AEBP2: variants seen among roughly 807,000 people sequenced by gnomAD.
AEBP2 encodes AE binding protein 2.
AEBP2 carries 10 observed loss-of-function variants against 50.8 expected under a neutral mutation model. That is an observed-to-expected ratio of 0.20 (90% CI 0.12 to 0.33). AEBP2 has a LOEUF of 0.33. AEBP2 is among the 10% of genes least tolerant of loss of function. The pLI is 1.00. For synonymous variants in AEBP2, 296 were observed against 261.3 expected, an observed-to-expected ratio of 1.13 and a Z score of -1.28; for missense variants, 570 against 688.0, an observed-to-expected ratio of 0.83 and a Z score of 1.92.
In AEBP2 at chr12:19,521,055, G is replaced by A. The variant is rs1055642914; in HGVS notation, c.*2938G>A. Reference sequence around the variant, plus strand: ...TTCTGAGTCTCATTATGTATATGCAGATACTCAAAAATCTGAAAAAAATCA... The same window carrying A: ...TTCTGAGTCTCATTATGTATATGCAAATACTCAAAAATCTGAAAAAAATCA... On this transcript the variant is annotated 3_prime_UTR_variant, in exon 8 of 8. Coordinates refer to ENST00000266508, the MANE Select transcript of AEBP2 (RefSeq NM_153207.5). 3 of 152,058 alleles carry A rather than the reference G, an allele frequency of 2.0e-5. No homozygotes were observed. Among genetic ancestry groups the A allele is most frequent in the Non-Finnish European group, 4.4e-5 (3 of 68,022 alleles). The allele number at this position is 152,058 out of a possible 1,614,324, so 9.4% of individuals were successfully genotyped here. A position where few individuals can be genotyped will look rare whatever the true frequency, so the allele number is the denominator to read the frequency against.
At chr12:19,433,771 C>G (rs2095752681) in intron 1 of AEBP2, among the ~76,000 whole-genome samples, 1 of 151,392 alleles carries the variant, frequency 6.6e-6, no homozygotes, top group Non-Finnish European at 1.5e-5. Flanking sequence ...CCACTTTGCT[C>G]TAGCCTGGGT....
At chr12:19,493,637 C>G (rs1249887276) in intron 3 of AEBP2, among the ~76,000 whole-genome samples, 163 bp from the exon 4 acceptor site, 2 of 152,176 alleles carry the variant, frequency 1.3e-5, no homozygotes, top group African/African-American at 2.4e-5. Context: ...TGGCAACTTA[C>G]TTCGTAAAGT....
chr12:19,456,943 G>T (rs1948280042), intron 1 of AEBP2: 1 of 1,485,410 alleles, frequency 6.7e-7, no homozygotes, highest in East Asian at 2.3e-5. Context: ...GTAGTCCAGA[G>T]CCTCAAGCAG....
intron 3 of AEBP2, among the ~76,000 whole-genome samples, chr12:19,478,002 T>C (rs1376477952): frequency 6.6e-6 from 1 of 152,234 alleles, no homozygotes; most frequent in Non-Finnish European, 1.5e-5. Context: ...TTGAATGATC[T>C]TTTGTATTTC....
At chr12:19,517,489 G>A (rs920893320) in intron 7 of AEBP2, among the ~76,000 whole-genome samples, 32 of 152,106 alleles carry the variant, frequency 2.1e-4, no homozygotes, top group Non-Finnish European at 3.2e-4. Context: ...GATTTACATA[G>A]CATTTATATT....
intron 1 of AEBP2, among the ~76,000 whole-genome samples, chr12:19,410,150 A>G (rs2095738507): frequency 2.0e-5 from 3 of 152,190 alleles, no homozygotes; most frequent in Non-Finnish European, 4.4e-5. Context: ...CCTAATCTTC[A>G]CTGCTCAACC....
intron 2 of AEBP2, among the ~76,000 whole-genome samples, chr12:19,470,804 T>C (rs372663341): frequency 8.5e-5 from 13 of 152,284 alleles, no homozygotes; most frequent in African/African-American, 2.9e-4. Context: ...CTAAATCTTA[T>C]CTTTAAGAGT....
chr12:19,480,409 A>G (rs1948709224), intron 3 of AEBP2, among the ~76,000 whole-genome samples: 1 of 152,096 alleles, frequency 6.6e-6, no homozygotes, highest in Non-Finnish European at 1.5e-5. Flanking sequence ...CCTGCCAAGG[A>G]GGTTCTATTT....
chr12:19,413,102 G>T, intron 1 of AEBP2: 3 of 644,992 alleles, frequency 4.7e-6, no homozygotes, highest in South Asian at 3.2e-5. Flanking sequence ...CAGCCGGGCC[G>T]AATTCAGTTT....
intron 1 of AEBP2, chr12:19,456,201 C>T: frequency 7.5e-7 from 1 of 1,334,980 alleles, no homozygotes; most frequent in Non-Finnish European, 1.0e-6. Flanking sequence ...GACCATTCTT[C>T]CACCACTGAT....
intron 5 of AEBP2, among the ~76,000 whole-genome samples, chr12:19,502,722 C>T (rs1425174070): frequency 6.6e-6 from 1 of 151,514 alleles, no homozygotes; most frequent in Non-Finnish European, 1.5e-5. Flanking sequence ...GATCTCGGCT[C>T]ACTGCAACCT....
chr12:19,404,300 A>T (rs556533243), intron 1 of AEBP2: 22 of 152,386 alleles, frequency 1.4e-4, no homozygotes, highest in African/African-American at 4.8e-4. Context: ...TCTTTCTCAC[A>T]CATTCCCCAT....
At chr12:19,411,626 TTA>T (rs2095739266) in intron 1 of AEBP2, among the ~76,000 whole-genome samples, 1 of 152,222 alleles carries the variant, frequency 6.6e-6, no homozygotes. Flanking sequence ...AAGTAAAGAC[TTA>T]TAATACATAC....
At chr12:19,493,689 T>C in intron 3 of AEBP2, 111 bp from the exon 4 acceptor site, 2 of 1,022,752 alleles carry the variant, frequency 2.0e-6, no homozygotes, top group East Asian at 5.2e-5. Context: ...CTGGAATTAG[T>C]TCTATTGTAC....
At chr12:19,464,329 C>T (rs1446426447) in intron 2 of AEBP2, among the ~76,000 whole-genome samples, 1 of 151,998 alleles carries the variant, frequency 6.6e-6, no homozygotes, top group Non-Finnish European at 1.5e-5. Context: ...TTGGTATATA[C>T]CATTTTTGAG....
Position 19,439,623 on chromosome 12 carries a change from A to AG in AEBP2, c.-71dup, listed in dbSNP as rs1780359841. The stretch of plus-strand genomic sequence containing the variant: ...GTCGGCGGAGTTTTGGGCGTTTGGG[A>AG]GGGGGGCGAGGGAGAGAGAGTCGAG... On this transcript the variant is annotated 5_prime_UTR_variant, in exon 1 of 8. Coordinates refer to ENST00000266508, the MANE Select transcript of AEBP2 (RefSeq NM_153207.5). The AG allele has an allele frequency of 6.1e-6, 9 of 1,465,982 alleles. No individual in the cohort carries two copies. The highest frequency in any genetic ancestry group is 8.1e-6 in the Non-Finnish European group (9 of 1,111,210). 90.8% of individuals were successfully genotyped at this position (1,465,982 alleles called of 1,614,324 possible).
chr12:19,440,640 G>T lies in AEBP2; in HGVS notation c.671+270G>T, dbSNP rs1387956888. 11 of 1,522,686 alleles carry T rather than the reference G, an allele frequency of 7.2e-6. No individual in the cohort carries two copies. The Admixed American group carries it at 2.2e-4, about 30-fold the overall frequency. The allele number at this position is 1,522,686 out of a possible 1,614,324, so 94.3% of individuals were successfully genotyped here. ...CTTCGCTCCTCACGGACCTCAGGAC[G>T]GCTCTAACTCGGAAACAGTCCCCAA... On this transcript the variant is annotated intron_variant, in intron 1 of 7. Transcript: ENST00000266508.
At chr12:19,481,678 C>T (rs991224691) in intron 3 of AEBP2, among the ~76,000 whole-genome samples, 2 of 151,916 alleles carry the variant, frequency 1.3e-5, no homozygotes, top group African/African-American at 2.4e-5. Context: ...GGGGTTTCAC[C>T]GTGGTGGCAA....
At chr12:19,457,440 C>G in intron 1 of AEBP2, 3 of 1,524,278 alleles carry the variant, frequency 2.0e-6, no homozygotes, top group South Asian at 1.2e-5. Context: ...AATGGTGATA[C>G]CACGTTCACG....
Sources: gnomAD v4.1 joint callset for allele counts (sites outside exome capture counted in the v4.1 genomes callset) on GRCh38, gnomAD v4.1.1 for gene constraint, MANE v1.5 for transcripts, NCBI Gene and HGNC (gene_info 2026-07-23, HGNC 2026-07-21) for gene names.